KLHL7: variants seen among roughly 807,000 people sequenced by gnomAD.
KLHL7 encodes the protein kelch like family member 7.
KLHL7 carries 44 observed loss-of-function variants against 67.4 expected under a neutral mutation model. The observed-to-expected ratio is 0.65, with a 90% CI of 0.51 to 0.84. The LOEUF (loss-of-function observed/expected upper bound fraction) is 0.84, where lower values mean the gene tolerates loss of function less well. Ranked by LOEUF, KLHL7 falls within the 40% of genes least tolerant of loss-of-function variation. The pLI, the probability that KLHL7 is intolerant of heterozygous loss-of-function variation, is 0.00. For missense variants in KLHL7, 362 were observed against 718.1 expected, an observed-to-expected ratio of 0.50 and a Z score of 5.67; for synonymous variants, 252 against 243.3, an observed-to-expected ratio of 1.04 and a Z score of -0.33.
intron 9 of KLHL7, chr7:23,171,208 A>G (rs1362065978): frequency 3.0e-6 from 1 of 328,224 alleles, no homozygotes; most frequent in South Asian, 2.4e-5. Context: ...TAAACATTAA[A>G]CTTCAGATTG....
In KLHL7 at chr7:23,143,861, C is replaced by T. The variant is rs145479724; in HGVS notation, c.629C>T (p.Ala210Val). The T allele has an allele frequency of 2.5e-6, 4 of 1,613,962 alleles. No individual in the cohort carries two copies. In the African/African-American group the frequency reaches 5.3e-5, roughly 22 times the overall value. ...GTTTTTCCCCCTTAGGTTTATGATGCTGCAGTCAGGTGGTTGAAATACGAT... is the reference window on the plus strand; with the variant it reads ...GTTTTTCCCCCTTAGGTTTATGATGTTGCAGTCAGGTGGTTGAAATACGAT... ...TVRAEDQVYD[A>V]AVRWLKYDEP... The change falls in exon 6 of 11, where the codon GCT (alanine) becomes GTT (valine). Residue 210 changes from alanine (A) to valine (V), a missense_variant. By Grantham distance (64) the Ala-to-Val change is moderately conservative. Around this residue, in one of 5 missense-constraint regions of KLHL7, gnomAD observed 155 missense variants for 280.8 expected, o/e 0.55. Transcript: ENST00000339077.
chr7:23,152,647 T>G (rs1301444054), intron 7 of KLHL7, among the ~76,000 whole-genome samples: 1 of 152,216 alleles, frequency 6.6e-6, no homozygotes, highest in Non-Finnish European at 1.5e-5. Context: ...GAAAAAAGAT[T>G]AAATGACCTT....
At chr7:23,118,546 C>T (rs59766914) in intron 1 of KLHL7, among the ~76,000 whole-genome samples, 2,577 of 152,234 alleles carry the variant, frequency 0.017, 93 homozygotes, top group African/African-American at 0.059. Context: ...TATCTGTTGT[C>T]GGTGTCCTCT....
At chr7:23,113,444 C>G (rs1393520935) in intron 1 of KLHL7, among the ~76,000 whole-genome samples, 1 of 152,180 alleles carries the variant, frequency 6.6e-6, no homozygotes. Flanking sequence ...TTTTGGGCCT[C>G]AAAATCTCTA....
At chr7:23,171,563 C>T (rs1221822559) in intron 9 of KLHL7, among the ~76,000 whole-genome samples, 3 of 152,156 alleles carry the variant, frequency 2.0e-5, no homozygotes, top group Non-Finnish European at 2.9e-5. Context: ...ATGCTGTCCA[C>T]CTCACCTTAA....
At chr7:23,144,784 A>G (rs560261829) in intron 6 of KLHL7, among the ~76,000 whole-genome samples, 1 of 152,262 alleles carries the variant, frequency 6.6e-6, no homozygotes, top group African/African-American at 2.4e-5. Context: ...GACAAATCTC[A>G]TATGTTTATT....
chr7:23,150,372 T>C (rs1784493205), intron 6 of KLHL7, among the ~76,000 whole-genome samples: 1 of 152,190 alleles, frequency 6.6e-6, no homozygotes, highest in Non-Finnish European at 1.5e-5. Flanking sequence ...CATTTACTTA[T>C]ATATCCATGT....
chr7:23,124,106 A>C (rs1004795097), intron 2 of KLHL7, among the ~76,000 whole-genome samples: 9 of 146,914 alleles, frequency 6.1e-5, no homozygotes, highest in African/African-American at 2.3e-4. Flanking sequence ...TTCTACTTAA[A>C]AGCCCAGGGT....
chr7:23,171,652 T>A (rs570142091), intron 9 of KLHL7, among the ~76,000 whole-genome samples: 269 of 152,382 alleles, frequency 1.8e-3, no homozygotes, highest in Middle Eastern at 3.4e-3. Flanking sequence ...AAAGAATTGT[T>A]AATACTTCAG....
intron 4 of KLHL7, among the ~76,000 whole-genome samples, chr7:23,126,463 A>T (rs558840549): frequency 6.6e-6 from 1 of 152,218 alleles, no homozygotes; most frequent in Non-Finnish European, 1.5e-5. Flanking sequence ...CAGGGAGGAA[A>T]GAAAAGTAGA....
chr7:23,175,308 C>T lies in KLHL7; in HGVS notation c.*1010C>T, dbSNP rs1260276124. The T allele has an allele frequency of 2.2e-6, 1 of 454,072 alleles. No homozygotes were observed. The highest frequency in any genetic ancestry group is 4.4e-6 in the Non-Finnish European group (1 of 226,780). 28.1% of individuals were successfully genotyped at this position (454,072 alleles called of 1,614,324 possible). On this transcript the variant is annotated 3_prime_UTR_variant, in exon 11 of 11. Coordinates refer to ENST00000339077, the MANE Select transcript of KLHL7 (RefSeq NM_001031710.3). ...AATAAATCTTTTACAAACCCAACTA[C>T]TCATTTCCTTCCTAGTAATACTTTG...
chr7:23,123,610 T>A (rs1427919966), intron 1 of KLHL7, among the ~76,000 whole-genome samples, 167 bp from the exon 2 acceptor site: 1 of 152,224 alleles, frequency 6.6e-6, no homozygotes, highest in Non-Finnish European at 1.5e-5. Flanking sequence ...TGGCAGCGAC[T>A]CTGTAAGTCC....
intron 6 of KLHL7, among the ~76,000 whole-genome samples, chr7:23,150,127 C>T (rs929335766): frequency 1.3e-5 from 2 of 151,994 alleles, no homozygotes; most frequent in Admixed American, 6.6e-5. Context: ...CACCGCACTC[C>T]AGCCCAAGTG....
intron 4 of KLHL7, chr7:23,129,090 C>T (rs141845743): frequency 6.5e-6 from 1 of 152,790 alleles, no homozygotes; most frequent in East Asian, 1.9e-4. Context: ...TTTCTACCAT[C>T]TGGGACCTTG....
chr7:23,129,113 G>A (rs899425843), intron 4 of KLHL7: 2 of 153,492 alleles, frequency 1.3e-5, no homozygotes, highest in Admixed American at 1.3e-4. Context: ...TGTGGATCAG[G>A]TGAGTGCACA....
chr7:23,105,853 G>A lies in KLHL7; in HGVS notation c.-174G>A, dbSNP rs1282084129. The A allele has an allele frequency of 1.0e-6, 1 of 962,638 alleles. No homozygotes were observed. The highest frequency in any genetic ancestry group is 2.1e-5 in the Admixed American group (1 of 47,634). The allele number at this position is 962,638 out of a possible 1,614,324, so 59.6% of individuals were successfully genotyped here. On this transcript the variant is annotated 5_prime_UTR_variant, in exon 1 of 11. Coordinates refer to ENST00000339077, the MANE Select transcript of KLHL7 (RefSeq NM_001031710.3). ...TGAGCGTTTCTAAGGGGGCCGCCCG[G>A]CCTTGTCTTTCGGCAGTGGCCGAGC...
chr7:23,117,694 A>G, intron 1 of KLHL7: 1 of 795,388 alleles, frequency 1.3e-6, no homozygotes. Flanking sequence ...TTTTCTGACA[A>G]ATGTGATTTC....
chr7:23,166,067 T>C (rs1367751275), intron 8 of KLHL7, 129 bp downstream of exon 8: 1 of 1,126,294 alleles, frequency 8.9e-7, no homozygotes, highest in Non-Finnish European at 1.3e-6. Context: ...TATGTGTTTG[T>C]CACATTTTAG....
At position 23,143,718 on chromosome 7, in the gene KLHL7, C is replaced by T; in HGVS notation, c.619-133C>T. Reference sequence around the variant, plus strand: ...CTGTTTTGAAGAACCAGCAAGTGTCCAGGGATGAAAAATACTAGAAATAAG... The same window carrying T: ...CTGTTTTGAAGAACCAGCAAGTGTCTAGGGATGAAAAATACTAGAAATAAG... On this transcript the variant is annotated intron_variant, in intron 5 of 10. Transcript: ENST00000339077. 7.6e-6 allele frequency: 7 copies of T among 923,890 alleles called. No individual in the cohort carries two copies. In the South Asian group the frequency reaches 9.3e-5, roughly 12 times the overall value. The allele number at this position is 923,890 out of a possible 1,614,324, so 57.2% of individuals were successfully genotyped here.
Sources: allele counts gnomAD v4.1 joint callset (sites outside exome capture counted in the v4.1 genomes callset), GRCh38; gene constraint gnomAD v4.1.1; regional missense constraint gnomAD v4.1.1; transcripts MANE v1.5; gene names NCBI Gene and HGNC (gene_info 2026-07-23, HGNC 2026-07-21).